The following OR7E24 variants were observed in gnomAD, a reference collection of about 807,000 sequenced individuals.
The protein encoded by OR7E24 is olfactory receptor 7E24.
For missense variants in OR7E24, 385 were observed against 410.3 expected, an observed-to-expected ratio of 0.94 and a Z score of 0.53; for synonymous variants, 130 against 157.5, an observed-to-expected ratio of 0.83 and a Z score of 1.31.
chr19:9,217,607 C>T, the OR7E24 span, among the ~76,000 whole-genome samples: 3 of 152,126 alleles, frequency 2.0e-5, no homozygotes, highest in African/African-American at 7.2e-5. Flanking sequence ...GGTGCTATCT[C>T]TGTTCACTGC....
chr19:9,235,453 T>C, the OR7E24 span: 8 of 1,607,100 alleles, frequency 5.0e-6, no homozygotes, highest in Non-Finnish European at 3.4e-6. Flanking sequence ...GGTGTATTTT[T>C]AAATGATGTT....
the OR7E24 span, chr19:9,236,206 G>A: frequency 4.8e-6 from 3 of 629,784 alleles, no homozygotes; most frequent in East Asian, 2.8e-5. Flanking sequence ...AAGCACCTAC[G>A]ACTTTGCTTA....
At chr19:9,218,796 C>CT in the OR7E24 span, among the ~76,000 whole-genome samples, 2 of 151,914 alleles carry the variant, frequency 1.3e-5, no homozygotes, top group Admixed American at 6.6e-5. Flanking sequence ...GTCAGGCTTT[C>CT]TTTTTTTGTT....
chr19:9,232,770 T>C, the OR7E24 span, among the ~76,000 whole-genome samples: 1 of 152,146 alleles, frequency 6.6e-6, no homozygotes, highest in Non-Finnish European at 1.5e-5. Flanking sequence ...CTTGTTTGTC[T>C]GTGTCCTTGA....
At chr19:9,229,328 G>A in the OR7E24 span, among the ~76,000 whole-genome samples, 8 of 151,950 alleles carry the variant, frequency 5.3e-5, no homozygotes, top group Non-Finnish European at 1.2e-4. Context: ...TCAGGAGTTC[G>A]AGACCAGCCT....
In OR7E24 at chr19:9,251,659, A is replaced by G. The variant is rs747741914; in HGVS notation, c.616A>G (p.Arg206Gly). Residue 206 changes from arginine (R) to glycine (G), a missense_variant, in exon 1 of 1, where the codon AGG becomes GGG. By Grantham distance (125) the Arg-to-Gly change is moderately radical. Coordinates refer to ENST00000456448, the MANE Select transcript of OR7E24 (RefSeq NM_001079935.2). ...TGACCCTTCTCAACTCCTCCACCTT[A>G]GGTGTTCCGACACCTTCATCAATGA... ...FCDPSQLLHL[R>G]CSDTFINEMV... 3 of 1,613,664 alleles carry G rather than the reference A, an allele frequency of 1.9e-6. No homozygotes were observed. The highest frequency in any genetic ancestry group is 2.2e-5 in the East Asian group (1 of 44,872).
the OR7E24 span, among the ~76,000 whole-genome samples, chr19:9,221,284 T>G: frequency 7.2e-6 from 1 of 139,702 alleles, no homozygotes; most frequent in Non-Finnish European, 1.5e-5. Flanking sequence ...AAAAAAAAAA[T>G]GTATGTTGTC....
Position 9,251,871 on chromosome 19 carries a change from G to A in OR7E24, c.828G>A (p.Gly276=), listed in dbSNP as rs1198701468. 1.2e-6 allele frequency: 2 copies of A among 1,614,128 alleles called. No homozygotes were observed. Among genetic ancestry groups the A allele is most frequent in the Non-Finnish European group, 1.7e-6 (2 of 1,180,008 alleles). Reference sequence around the variant, plus strand: ...TATTTTATGGAACAGGGCTTGTAGGGTACCTCAGTTCAGCTGTGTTACCAT... The same window carrying A: ...TATTTTATGGAACAGGGCTTGTAGGATACCTCAGTTCAGCTGTGTTACCAT... ...VCLFYGTGLV[G]YLSSAVLPSP... The change falls in exon 1 of 1, where the codon GGG becomes GGA. Residue 276 remains glycine, a synonymous_variant. Coordinates refer to ENST00000456448, the MANE Select transcript of OR7E24 (RefSeq NM_001079935.2).
chr19:9,235,794 C>T, the OR7E24 span: 16 of 1,610,668 alleles, frequency 9.9e-6, no homozygotes, highest in African/African-American at 8.0e-5. Flanking sequence ...TCCTCTTCTC[C>T]TACTCTCAGA....
chr19:9,230,136 T>C, the OR7E24 span, among the ~76,000 whole-genome samples: 2 of 151,730 alleles, frequency 1.3e-5, no homozygotes, highest in African/African-American at 4.8e-5. Flanking sequence ...CCTCCGCCTC[T>C]TGGGTTCAAG....
chr19:9,251,635 G>A lies in OR7E24; in HGVS notation c.592G>A (p.Asp198Asn). The change falls in exon 1 of 1, where the codon GAC becomes AAC. Residue 198 changes from aspartate (D) to asparagine (N), a missense_variant. Physicochemically the swap from Asp to Asn is conservative, Grantham distance 23 (BLOSUM62 1). Coordinates refer to ENST00000456448, the MANE Select transcript of OR7E24 (RefSeq NM_001079935.2). ...KDVDISNFFC[D>N]PSQLLHLRCS... ...TGTGGACATTTCTAATTTCTTCTGT[G>A]ACCCTTCTCAACTCCTCCACCTTAG... 1 of 1,613,218 alleles carries A rather than the reference G, an allele frequency of 6.2e-7. No individual in the cohort carries two copies. The highest frequency in any genetic ancestry group is 2.2e-5 in the East Asian group (1 of 44,876).
chr19:9,216,667 C>G, the OR7E24 span, among the ~76,000 whole-genome samples: 2 of 152,058 alleles, frequency 1.3e-5, no homozygotes, highest in African/African-American at 4.8e-5. Flanking sequence ...TGTTGGCTCA[C>G]TGCAACCTCT....
At chr19:9,236,211 T>C in the OR7E24 span, 1 of 622,206 alleles carries the variant, frequency 1.6e-6, no homozygotes, top group Non-Finnish European at 2.8e-6. Flanking sequence ...CCTACGACTT[T>C]GCTTAAAATG....
At chr19:9,247,383 T>A (rs994987369), upstream of OR7E24, 7 of 398,208 alleles carry the variant, frequency 1.8e-5, no homozygotes, top group Admixed American at 4.4e-5. Flanking sequence ...GTCGTCTGCA[T>A]CAGGAGGCTC....
the OR7E24 span, chr19:9,213,889 C>T: frequency 6.2e-7 from 1 of 1,603,260 alleles, no homozygotes; most frequent in South Asian, 1.1e-5. Context: ...AGTTCTGAGG[C>T]CCTGATTTGT....
At chr19:9,213,913 C>T in the OR7E24 span, 70 of 1,613,270 alleles carry the variant, frequency 4.3e-5, no homozygotes, top group Non-Finnish European at 5.3e-5. Context: ...GGACAAGAGT[C>T]GGCCCTGCTG....
chr19:9,228,460 C>G, the OR7E24 span, among the ~76,000 whole-genome samples: 3 of 147,008 alleles, frequency 2.0e-5, no homozygotes, highest in Non-Finnish European at 2.9e-5. Context: ...TACACTTTCT[C>G]TCTTCTCTCC....
At chr19:9,237,360 G>C in the OR7E24 span, among the ~76,000 whole-genome samples, 1 of 151,842 alleles carries the variant, frequency 6.6e-6, no homozygotes, top group Non-Finnish European at 1.5e-5. Flanking sequence ...CCCCAGGCTG[G>C]AGTGCAGTGG....
At chr19:9,216,012 A>T in the OR7E24 span, among the ~76,000 whole-genome samples, 1 of 152,148 alleles carries the variant, frequency 6.6e-6, no homozygotes, top group Admixed American at 6.5e-5. Flanking sequence ...TCTTACATGG[A>T]TGGTGGCAGG....
Sources: gnomAD v4.1 joint callset for allele counts (sites outside exome capture counted in the v4.1 genomes callset) on GRCh38, gnomAD v4.1.1 for gene constraint, MANE v1.5 for transcripts, NCBI Gene and HGNC (gene_info 2026-07-23, HGNC 2026-07-21) for gene names.